ZNF536: variants seen among roughly 807,000 people sequenced by gnomAD.
ZNF536 encodes the protein zinc finger protein 536.
A neutral mutation model predicts 84.5 loss-of-function variants in ZNF536; 13 were observed. The ratio of observed to expected loss-of-function variants is 0.15; its 90% confidence interval spans 0.10 to 0.24. The LOEUF (loss-of-function observed/expected upper bound fraction) is 0.24, where lower values mean the gene tolerates loss of function less well. Ranked by LOEUF, ZNF536 falls within the 10% of genes least tolerant of loss-of-function variation. The pLI is 1.00. For missense variants in ZNF536, 1,536 were observed against 1,747.5 expected (o/e 0.88, Z 2.16); for synonymous variants, 811 against 742.5 (o/e 1.09, Z -1.50).
At chr19:30,362,918 G>T (rs1042028528) in intron 3 of ZNF536, among the ~76,000 whole-genome samples, 2 of 152,102 alleles carry the variant, frequency 1.3e-5, no homozygotes, top group Non-Finnish European at 2.9e-5. Context: ...AATTAGCCAG[G>T]CGTGATGGTG....
At chr19:30,526,241 C>T (rs1052547011) in intron 2 of ZNF536, among the ~76,000 whole-genome samples, 1 of 152,230 alleles carries the variant, frequency 6.6e-6, no homozygotes, top group East Asian at 1.9e-4. Context: ...GTTGCAGTCT[C>T]TAGCCTGGGG....
At chr19:30,300,371 T>C (rs924891507) in intron 2 of ZNF536, 1 of 152,238 alleles carries the variant, frequency 6.6e-6, no homozygotes, top group African/African-American at 2.4e-5. Flanking sequence ...GGAGCCTTCC[T>C]GTCCTCTGTA....
chr19:30,683,231 G>A (rs891357467), intron 1 of ZNF536, among the ~76,000 whole-genome samples: 2 of 152,186 alleles, frequency 1.3e-5, no homozygotes, highest in African/African-American at 4.8e-5. Context: ...GGCTGGAGAA[G>A]AGGATAATGA....
intron 2 of ZNF536, among the ~76,000 whole-genome samples, chr19:30,284,591 C>A (rs73924288): frequency 6.6e-6 from 1 of 152,336 alleles, no homozygotes; most frequent in African/African-American, 2.4e-5. Context: ...GTGTTTGTCA[C>A]CTCAATCAGA....
At chr19:30,280,284 T>C (rs1413320594) in intron 1 of ZNF536, among the ~76,000 whole-genome samples, 1 of 152,004 alleles carries the variant, frequency 6.6e-6, no homozygotes, top group Non-Finnish European at 1.5e-5. Flanking sequence ...ACTTCCATTT[T>C]TGCATCCATC....
At chr19:30,314,350 G>T (rs1302338339) in intron 2 of ZNF536, among the ~76,000 whole-genome samples, 2 of 152,114 alleles carry the variant, frequency 1.3e-5, no homozygotes, top group Admixed American at 6.5e-5. Context: ...GCCTTCTGGG[G>T]CCCTGGTTCC....
intron 2 of ZNF536, among the ~76,000 whole-genome samples, chr19:30,321,797 A>C (rs916775818): frequency 1.6e-5 from 2 of 123,804 alleles, no homozygotes; most frequent in African/African-American, 6.1e-5. Flanking sequence ...TTTTTTTCTG[A>C]GACAGAGTCT....
chr19:30,682,415 A>G (rs115012578), intron 1 of ZNF536, among the ~76,000 whole-genome samples: 2 of 152,188 alleles, frequency 1.3e-5, no homozygotes, highest in Non-Finnish European at 2.9e-5. Flanking sequence ...CACAGCATAC[A>G]GTGTAATTCA....
At chr19:30,645,926 G>T (rs886464480) in intron 1 of ZNF536, among the ~76,000 whole-genome samples, 2 of 152,048 alleles carry the variant, frequency 1.3e-5, no homozygotes, top group African/African-American at 4.8e-5. Context: ...GGGAAAGTTC[G>T]CCATGCCGTT....
chr19:30,564,444 T>A (rs1183914456), intron 1 of ZNF536, among the ~76,000 whole-genome samples: 1 of 151,736 alleles, frequency 6.6e-6, no homozygotes, highest in East Asian at 1.9e-4. Context: ...CCAGCAGAAA[T>A]GAAAGGATCC....
intron 1 of ZNF536, among the ~76,000 whole-genome samples, chr19:30,669,686 G>T (rs533658738): frequency 7.2e-5 from 11 of 152,244 alleles, no homozygotes; most frequent in Non-Finnish European, 1.3e-4. Flanking sequence ...AAGCTTGCAG[G>T]GGGGCTGCGT....
At chr19:30,431,983 C>A (rs1230657176) in intron 1 of ZNF536, among the ~76,000 whole-genome samples, 4 of 135,502 alleles carry the variant, frequency 3.0e-5, no homozygotes, top group African/African-American at 9.0e-5. Flanking sequence ...ATATACCATT[C>A]ATTAAAAGCA....
rs542665729 is a variant in ZNF536, at chr19:30,299,962, C to T, written c.-120+15821C>T. The stretch of plus-strand genomic sequence containing the variant: ...TATAATACTAATGAGCTTAACAAGC[C>T]ATCTCGATGCACAGTTTAGGATAAA... On this transcript the variant is annotated intron_variant, in intron 2 of 5. Coordinates refer to the ZNF536 transcript ENST00000585628. 5.3e-5 allele frequency among the ~76,000 whole-genome samples: 8 copies of T among 152,222 alleles called. No individual in the cohort carries two copies. The East Asian group carries it at 9.6e-4, about 18-fold the overall frequency.
intron 1 of ZNF536, among the ~76,000 whole-genome samples, chr19:30,634,813 C>A (rs1490911871): frequency 1.3e-5 from 2 of 151,996 alleles, no homozygotes; most frequent in African/African-American, 4.8e-5. Context: ...TCCAGACCCC[C>A]TTCTGAGCCA....
upstream of ZNF536, among the ~76,000 whole-genome samples, chr19:30,370,078 T>C (rs1470766190): frequency 1.3e-5 from 2 of 152,192 alleles, no homozygotes; most frequent in South Asian, 4.1e-4. Flanking sequence ...AATCCTCTCA[T>C]TACTGCCTTA....
At chr19:30,312,487 C>A (rs775380389) in intron 2 of ZNF536, among the ~76,000 whole-genome samples, 1 of 152,160 alleles carries the variant, frequency 6.6e-6, no homozygotes, top group South Asian at 2.1e-4. Context: ...GGATTCCTTG[C>A]GATCTTTTTT....
Position 30,380,974 on chromosome 19 carries a change from T to C in ZNF536, c.-3+8418T>C, listed in dbSNP as rs370379702. ...TCACTGCAGCCTCCAACTCCTGGGC[T>C]CAGGTGATCCTCTGGCCTCAGCCTC... On this transcript the variant is annotated intron_variant, in intron 1 of 4. Coordinates refer to ENST00000355537, the MANE Select transcript of ZNF536 (RefSeq NM_014717.3). Among the ~76,000 whole-genome samples, 8 of 152,326 alleles carry C rather than the reference T, an allele frequency of 5.3e-5. No individual in the cohort carries two copies. The East Asian group carries it at 9.6e-4, about 18-fold the overall frequency.
rs199845248 is a variant in ZNF536 at position 30,444,367 on chromosome 19, G to A, written c.805G>A (p.Ala269Thr). The part of the protein sequence containing the change: ...KPASVQEDAV[A>T]PAAGFRCTFC... ...TGCCAGCGTGCAGGAGGACGCGGTGGCCCCGGCGGCGGGCTTCCGCTGTAC... is the reference window on the plus strand; with the variant it reads ...TGCCAGCGTGCAGGAGGACGCGGTGACCCCGGCGGCGGGCTTCCGCTGTAC... Residue 269 changes from alanine to threonine, a missense_variant, in exon 2 of 5, where the codon GCC becomes ACC. Around this residue, in one of 8 missense-constraint regions of ZNF536, gnomAD observed 138 missense variants for 136.8 expected, o/e 1.01. Transcript: ENST00000355537. 450 of 1,602,750 alleles carry A rather than the reference G, an allele frequency of 2.8e-4. 2 individuals are homozygous for A. In the African/African-American group the frequency reaches 5.5e-3, roughly 20 times the overall value.
rs1284852104 is a variant in ZNF536, at chr19:30,699,616, A to C, written c.170-11141A>C. ...CTATTTGGAATTAGGAAATTTTTTTAAACTATATGTGCAACTGAGAAAACG... is the reference window on the plus strand; with the variant it reads ...CTATTTGGAATTAGGAAATTTTTTTCAACTATATGTGCAACTGAGAAAACG... On this transcript the variant is annotated intron_variant, in intron 1 of 1. Transcript: ENST00000592773. Among the ~76,000 whole-genome samples the C allele has an allele frequency of 1.1e-4, 17 of 152,272 alleles. No individual in the cohort carries two copies. The South Asian group carries it at 2.9e-3, about 26-fold the overall frequency.
Sources: allele counts gnomAD v4.1 joint callset (sites outside exome capture counted in the v4.1 genomes callset), GRCh38; gene constraint gnomAD v4.1.1; regional missense constraint gnomAD v4.1.1; transcripts MANE v1.5; gene names NCBI Gene and HGNC (gene_info 2026-07-23, HGNC 2026-07-21).